Variants in ZNF215 observed in about 807,000 individuals in gnomAD.
The protein encoded by ZNF215 is BWSCR2-associated zinc finger protein 2.
ZNF215 carries 24 observed loss-of-function variants against 27.2 expected under a neutral mutation model. That is an observed-to-expected ratio of 0.88 (90% CI 0.64 to 1.24). ZNF215 has a LOEUF of 1.24. Among genes scored for constraint, ZNF215 ranks in the 50% most tolerant of loss-of-function variants. The probability of loss-of-function intolerance (pLI) is 0.00; values close to 1 mark genes in which losing one functional copy is unlikely to be tolerated. For synonymous variants in ZNF215, 210 were observed against 204.0 expected, an observed-to-expected ratio of 1.03 and a Z score of -0.25; for missense variants, 675 against 605.7, an observed-to-expected ratio of 1.11 and a Z score of -1.20.
At chr11:6,979,328 AG>A (rs1850900427) in intron 5 of ZNF215, among the ~76,000 whole-genome samples, 2 of 2,216 alleles carry the variant, frequency 9.0e-4, no homozygotes, top group Admixed American at 0.019. Context: ...TGAATAACAC[AG>A]TAATAATAAT....
chr11:6,971,702 A>G (rs2133335914), intron 5 of ZNF215, among the ~76,000 whole-genome samples: 1 of 152,260 alleles, frequency 6.6e-6, no homozygotes, highest in Middle Eastern at 3.4e-3. Context: ...GAGACATAGA[A>G]AATTGTTAGG....
chr11:6,933,348 A>G (rs1173565859), intron 3 of ZNF215, among the ~76,000 whole-genome samples: 4 of 152,232 alleles, frequency 2.6e-5, no homozygotes, highest in African/African-American at 9.6e-5. Flanking sequence ...GGCAAGTTTT[A>G]TTTGAGGTCC....
chr11:6,952,678 CTCTT>C (rs1238019854), intron 6 of ZNF215, among the ~76,000 whole-genome samples: 1 of 152,020 alleles, frequency 6.6e-6, no homozygotes, highest in Non-Finnish European at 1.5e-5. Flanking sequence ...TGGGTCTTGA[CTCTT>C]TATCCAATTT....
In ZNF215 at chr11:6,957,243, A is replaced by C. The variant is rs1446016799; in HGVS notation, c.*712A>C. On this transcript the variant is annotated 3_prime_UTR_variant, in exon 7 of 7. Transcript: ENST00000278319. Reference sequence around the variant, plus strand: ...TAATTGTTATGATGTTGATGAGAAAAATATCGATTCCCAGCCAGGGACACT... The same window carrying C: ...TAATTGTTATGATGTTGATGAGAAACATATCGATTCCCAGCCAGGGACACT... The C allele has an allele frequency of 2.1e-6, 2 of 960,730 alleles. No homozygotes were observed. Among genetic ancestry groups the C allele is most frequent in the Non-Finnish European group, 2.5e-6 (2 of 807,628 alleles). 59.5% of individuals were successfully genotyped at this position (960,730 alleles called of 1,614,324 possible).
intron 6 of ZNF215, among the ~76,000 whole-genome samples, chr11:6,946,235 A>G (rs888461552): frequency 6.6e-6 from 1 of 152,146 alleles, no homozygotes; most frequent in African/African-American, 2.4e-5. Context: ...CCGCAACTCC[A>G]ATCTTGGAAC....
At chr11:6,965,275 C>G (rs1441240109) in intron 5 of ZNF215, among the ~76,000 whole-genome samples, 2 of 151,984 alleles carry the variant, frequency 1.3e-5, no homozygotes, top group Non-Finnish European at 2.9e-5. Context: ...CGCTTGTGTA[C>G]CAGGTTGAAA....
intron 5 of ZNF215, among the ~76,000 whole-genome samples, chr11:6,971,429 C>T (rs779272533): frequency 1.3e-5 from 2 of 152,070 alleles, no homozygotes; most frequent in African/African-American, 2.4e-5. Flanking sequence ...TTTGTTAATG[C>T]CTTCTCCTCT....
chr11:6,965,998 C>CTT (rs1256671872), intron 5 of ZNF215, among the ~76,000 whole-genome samples: 1 of 152,066 alleles, frequency 6.6e-6, no homozygotes, highest in Non-Finnish European at 1.5e-5. Context: ...ATTATTTCTC[C>CTT]TTAAATATCT....
rs572001963 is a variant in ZNF215 at position 6,928,495 on chromosome 11, T to C, written c.-180+688T>C. 2.0e-5 allele frequency among the ~76,000 whole-genome samples: 3 copies of C among 152,322 alleles called. 1 individual carries two copies. The South Asian group carries it at 6.2e-4, about 32-fold the overall frequency. ...ATGTATTTGTGCTTTTAATTCATTA[T>C]AATTTTAATTCACTAAACTCTTGAA... On this transcript the variant is annotated intron_variant, in intron 2 of 6. Coordinates refer to ENST00000278319, the MANE Select transcript of ZNF215 (RefSeq NM_013250.4).
At chr11:6,985,121 C>T (rs1041149798), downstream of ZNF215, among the ~76,000 whole-genome samples, 5 of 152,024 alleles carry the variant, frequency 3.3e-5, no homozygotes, top group African/African-American at 9.7e-5. Context: ...ACCAATGTCC[C>T]TGATGAACAT....
intron 5 of ZNF215, among the ~76,000 whole-genome samples, chr11:6,970,492 T>C (rs1297001101): frequency 6.6e-6 from 1 of 152,200 alleles, no homozygotes; most frequent in Non-Finnish European, 1.5e-5. Context: ...TGATAAAATG[T>C]ATTTTGGTTA....
At chr11:6,983,173 TC>T (rs1397018970) in intron 5 of ZNF215, among the ~76,000 whole-genome samples, 1 of 152,054 alleles carries the variant, frequency 6.6e-6, no homozygotes, top group East Asian at 1.9e-4. Flanking sequence ...ATGGATAAAC[TC>T]CTCGACACAT....
intron 5 of ZNF215, among the ~76,000 whole-genome samples, chr11:6,981,718 T>G (rs1850956850): frequency 6.6e-6 from 1 of 152,200 alleles, no homozygotes; most frequent in South Asian, 2.1e-4. Context: ...GCCTAGGTTT[T>G]CTTCAGGGTT....
intron 6 of ZNF215, among the ~76,000 whole-genome samples, chr11:6,949,956 G>C (rs1849986520): frequency 6.6e-6 from 1 of 152,066 alleles, no homozygotes; most frequent in Non-Finnish European, 1.5e-5. Flanking sequence ...CATATGGCTA[G>C]CCAGATTTCC....
chr11:6,957,204 T>G lies in ZNF215; in HGVS notation c.*673T>G, dbSNP rs1407750651. Reference sequence around the variant, plus strand: ...CAGGTCCTTGAAAAATGTTTTTGTTTTGTTATAATGTTATAATTGTTATGA... The same window carrying G: ...CAGGTCCTTGAAAAATGTTTTTGTTGTGTTATAATGTTATAATTGTTATGA... On this transcript the variant is annotated 3_prime_UTR_variant, in exon 7 of 7. Coordinates refer to ENST00000278319, the MANE Select transcript of ZNF215 (RefSeq NM_013250.4). 3 of 983,972 alleles carry G rather than the reference T, an allele frequency of 3.0e-6. No homozygotes were observed. The highest frequency in any genetic ancestry group is 3.6e-6 in the Non-Finnish European group (3 of 828,716). 61.0% of individuals were successfully genotyped at this position (983,972 alleles called of 1,614,324 possible). A position where few individuals can be genotyped will look rare whatever the true frequency, so the allele number is the denominator to read the frequency against.
intron 3 of ZNF215, among the ~76,000 whole-genome samples, chr11:6,937,258 G>T (rs534904185): frequency 6.6e-6 from 1 of 151,924 alleles, no homozygotes; most frequent in Non-Finnish European, 1.5e-5. Context: ...TAGGTTATGT[G>T]CCTATAGCAA....
At chr11:6,991,450 G>A (rs1851116802), downstream of ZNF215, among the ~76,000 whole-genome samples, 1 of 152,116 alleles carries the variant, frequency 6.6e-6, no homozygotes, top group Admixed American at 6.5e-5. Flanking sequence ...GTGCTCCCCC[G>A]CCCACCACAG....
Position 6,957,093 on chromosome 11 carries a change from G to T in ZNF215, c.*562G>T. ...GTCTTGCTGTTGAATGGAGACTAGA[G>T]TTGGGAAAGGGTTATCAACTGCAAT... On this transcript the variant is annotated 3_prime_UTR_variant, in exon 7 of 7. Coordinates refer to ENST00000278319, the MANE Select transcript of ZNF215 (RefSeq NM_013250.4). The T allele has an allele frequency of 1.0e-6, 1 of 985,680 alleles. No individual in the cohort carries two copies. The highest frequency in any genetic ancestry group is 4.7e-5 in the South Asian group (1 of 21,288). 61.1% of individuals were successfully genotyped at this position (985,680 alleles called of 1,614,324 possible).
chr11:6,932,733 T>C, intron 3 of ZNF215, 61 bp downstream of exon 3: 5 of 1,496,762 alleles, frequency 3.3e-6, no homozygotes, highest in Non-Finnish European at 4.5e-6. Flanking sequence ...AGAGAAATTA[T>C]CTTTTTTTGA....
Sources: allele counts gnomAD v4.1 joint callset (sites outside exome capture counted in the v4.1 genomes callset), GRCh38; gene constraint gnomAD v4.1.1; transcripts MANE v1.5; gene names NCBI Gene and HGNC (gene_info 2026-07-23, HGNC 2026-07-21).